Variants in RGS7 observed in about 807,000 individuals in gnomAD.
RGS7 encodes regulator of G-protein signaling 7.
RGS7 carries 27 observed loss-of-function variants against 81.1 expected under a neutral mutation model. The observed-to-expected ratio is 0.33, with a 90% CI of 0.25 to 0.46. RGS7 has a LOEUF of 0.46. Ranked by LOEUF, RGS7 falls within the 20% of genes least tolerant of loss-of-function variation. The probability of loss-of-function intolerance (pLI) is 1.00; values close to 1 mark genes in which losing one functional copy is unlikely to be tolerated. For synonymous variants in RGS7, 208 were observed against 207.7 expected (o/e 1.00, Z -0.01); for missense variants, 396 against 607.4 (o/e 0.65, Z 3.66).
intron 2 of RGS7, among the ~76,000 whole-genome samples, chr1:241,217,773 A>G (rs1471907949): frequency 6.6e-6 from 1 of 152,262 alleles, no homozygotes; most frequent in East Asian, 1.9e-4. Flanking sequence ...CTCTCAAACC[A>G]GAGCCAGTTC....
At chr1:241,213,829 A>G (rs1011985361) in intron 2 of RGS7, among the ~76,000 whole-genome samples, 1 of 152,304 alleles carries the variant, frequency 6.6e-6, no homozygotes, top group Non-Finnish European at 1.5e-5. Context: ...TAGCAGTGCA[A>G]TCACTGCTCA....
rs967382113 is a variant in RGS7 at position 241,253,285 on chromosome 1, G to A, written c.78+102414C>T. On this transcript the variant is annotated intron_variant, in intron 2 of 18. Coordinates refer to ENST00000440928, the MANE Select transcript of RGS7 (RefSeq NM_001364886.1). ...CTGTTTATGTGTCTTCTCACTAAGA[G>A]AGGTGAGAAATAAAAGCCAGTGGGG... Among the ~76,000 whole-genome samples the A allele has an allele frequency of 1.1e-4, 16 of 152,162 alleles. 1 individual carries two copies. The highest frequency in any genetic ancestry group is 8.5e-4 in the Admixed American group (13 of 15,276).
At chr1:241,106,488 C>T (rs951558119) in intron 2 of RGS7, among the ~76,000 whole-genome samples, 4 of 151,998 alleles carry the variant, frequency 2.6e-5, no homozygotes, top group Non-Finnish European at 1.5e-5. Flanking sequence ...CCGAGGCCAA[C>T]GGATCACCTG....
chr1:240,940,409 G>A (rs986184519), intron 4 of RGS7, among the ~76,000 whole-genome samples: 7 of 152,160 alleles, frequency 4.6e-5, no homozygotes, highest in African/African-American at 1.4e-4. Context: ...GCTTAGGGGG[G>A]TTGCAGATGA....
At chr1:241,192,159 GGT>G (rs58714151) in intron 2 of RGS7, among the ~76,000 whole-genome samples, 2,647 of 121,886 alleles carry the variant, frequency 0.022, 35 homozygotes, top group East Asian at 0.047. Context: ...AGAGAAAACA[GGT>G]GTGTGTGTGT....
chr1:240,826,266 GA>G (rs1692809346), intron 10 of RGS7, among the ~76,000 whole-genome samples: 1 of 152,168 alleles, frequency 6.6e-6, no homozygotes, highest in Non-Finnish European at 1.5e-5. Context: ...TTAAAAGAAA[GA>G]AAAGGTACTT....
intron 2 of RGS7, among the ~76,000 whole-genome samples, chr1:241,299,633 A>G (rs139028751): frequency 1.3e-5 from 2 of 151,900 alleles, no homozygotes; most frequent in African/African-American, 4.8e-5. Context: ...AATCTAATCC[A>G]CTGTAAATTT....
intron 5 of RGS7, among the ~76,000 whole-genome samples, chr1:240,935,606 G>T (rs1676487674): frequency 6.6e-6 from 1 of 152,200 alleles, no homozygotes; most frequent in African/African-American, 2.4e-5. Flanking sequence ...GGAAGGGGCA[G>T]TGAGACTGTT....
chr1:240,829,169 C>T (rs1242716096), intron 9 of RGS7, among the ~76,000 whole-genome samples: 3 of 151,922 alleles, frequency 2.0e-5, no homozygotes, highest in African/African-American at 7.3e-5. Flanking sequence ...TATGTATATA[C>T]TACAGATACA....
intron 4 of RGS7, among the ~76,000 whole-genome samples, chr1:240,971,220 C>T (rs931783561): frequency 3.9e-5 from 6 of 152,128 alleles, no homozygotes; most frequent in African/African-American, 7.2e-5. Context: ...TGAACCAGAA[C>T]GCAGACCCTC....
intron 2 of RGS7, among the ~76,000 whole-genome samples, chr1:241,123,145 A>T (rs4073328): frequency 6.6e-6 from 1 of 151,866 alleles, no homozygotes; most frequent in African/African-American, 2.4e-5. Flanking sequence ...GACTTGCCCC[A>T]GAGCCTGCCC....
At chr1:241,035,048 T>G (rs1572379786) in intron 3 of RGS7, among the ~76,000 whole-genome samples, 1 of 151,938 alleles carries the variant, frequency 6.6e-6, no homozygotes, top group African/African-American at 2.4e-5. Context: ...ATTGTGAAGG[T>G]TTTTTCATGC....
At chr1:240,969,048 T>C (rs746895999) in intron 4 of RGS7, among the ~76,000 whole-genome samples, 1 of 152,178 alleles carries the variant, frequency 6.6e-6, no homozygotes, top group African/African-American at 2.4e-5. Context: ...GTAACAGATA[T>C]AATCGTACAT....
chr1:241,347,314 GCTTGCA>G (rs372129881), intron 2 of RGS7, among the ~76,000 whole-genome samples: 1 of 152,240 alleles, frequency 6.6e-6, no homozygotes, highest in African/African-American at 2.4e-5. Flanking sequence ...ACTTGCCCAA[GCTTGCA>G]TAGCTACTCA....
chr1:241,171,991 C>T (rs1000569512), intron 2 of RGS7, among the ~76,000 whole-genome samples: 3 of 152,144 alleles, frequency 2.0e-5, no homozygotes, highest in Non-Finnish European at 2.9e-5. Context: ...TTCCACTTAA[C>T]GACCCAAAAA....
At chr1:241,180,448 A>G (rs1396085487) in intron 2 of RGS7, among the ~76,000 whole-genome samples, 6 of 152,186 alleles carry the variant, frequency 3.9e-5, no homozygotes, top group Admixed American at 2.6e-4. Flanking sequence ...GAGTAACATA[A>G]AGTATGTGTG....
chr1:240,933,056 G>T (rs1384450338), intron 5 of RGS7, among the ~76,000 whole-genome samples: 1 of 147,696 alleles, frequency 6.8e-6, no homozygotes, highest in South Asian at 2.1e-4. Flanking sequence ...CTAATTTTTT[G>T]TATTTTCAGT....
intron 2 of RGS7, among the ~76,000 whole-genome samples, chr1:241,341,450 T>C (rs1053394555): frequency 2.0e-5 from 3 of 152,218 alleles, no homozygotes; most frequent in African/African-American, 7.2e-5. Context: ...ATTTGTCATA[T>C]TTACTAAAAC....
chr1:240,855,754 T>C (rs1558360051), intron 9 of RGS7, among the ~76,000 whole-genome samples: 2 of 151,972 alleles, frequency 1.3e-5, no homozygotes, highest in Non-Finnish European at 1.5e-5. Context: ...GAAAAAGATT[T>C]TATCTTTTTA....
Sources: allele counts gnomAD v4.1 joint callset (sites outside exome capture counted in the v4.1 genomes callset), GRCh38; gene constraint gnomAD v4.1.1; transcripts MANE v1.5; gene names NCBI Gene and HGNC (gene_info 2026-07-23, HGNC 2026-07-21).